The following EPHA6 variants were observed in gnomAD, a reference collection of about 807,000 sequenced individuals.
The protein encoded by EPHA6 is EPH receptor A6.
In EPHA6, 50 loss-of-function variants were observed where a neutral mutation model predicts 112.0. The observed-to-expected ratio is 0.45, with a 90% confidence interval of 0.36 to 0.56. The LOEUF (loss-of-function observed/expected upper bound fraction) is 0.56. Ranked by LOEUF, EPHA6 falls within the 20% of genes least tolerant of loss-of-function variation. The pLI, the probability that EPHA6 is intolerant of heterozygous loss-of-function variation, is 0.00. For synonymous variants in EPHA6, 529 were observed against 490.7 expected, an observed-to-expected ratio of 1.08 and a Z score of -1.03; for missense variants, 1,280 against 1,417.4, an observed-to-expected ratio of 0.90 and a Z score of 1.56.
intron 1 of EPHA6, among the ~76,000 whole-genome samples, chr3:96,833,432 T>C (rs2034209995): frequency 6.6e-6 from 1 of 151,838 alleles, no homozygotes; most frequent in Non-Finnish European, 1.5e-5. Context: ...CCTTTAGAAC[T>C]GTAAGACAAT....
At chr3:97,686,211 C>T (rs1316395439) in intron 14 of EPHA6, among the ~76,000 whole-genome samples, 1 of 152,144 alleles carries the variant, frequency 6.6e-6, no homozygotes, top group African/African-American at 2.4e-5. Context: ...CTCTCTAATA[C>T]TAACTGGAGT....
intron 3 of EPHA6, among the ~76,000 whole-genome samples, chr3:97,061,842 T>A (rs2046031588): frequency 6.6e-6 from 1 of 152,106 alleles, no homozygotes; most frequent in African/African-American, 2.4e-5. Context: ...ATGTCCTGGG[T>A]GCTGGAAATA....
intron 2 of EPHA6, among the ~76,000 whole-genome samples, chr3:96,934,629 G>A (rs567875815): frequency 1.3e-5 from 2 of 150,964 alleles, no homozygotes; most frequent in African/African-American, 4.8e-5. Flanking sequence ...TGGTGATTGG[G>A]TACAGGAATA....
chr3:97,300,468 A>T (rs1016524563), intron 5 of EPHA6, among the ~76,000 whole-genome samples: 34 of 152,210 alleles, frequency 2.2e-4, no homozygotes, highest in Non-Finnish European at 3.8e-4. Context: ...CCATACAGAT[A>T]ACTATTTTCA....
At chr3:97,064,257 T>C (rs2108133005) in intron 3 of EPHA6, among the ~76,000 whole-genome samples, 1 of 152,254 alleles carries the variant, frequency 6.6e-6, no homozygotes, top group South Asian at 2.1e-4. Context: ...TGTGACAATA[T>C]GAATATCAAG....
At chr3:97,215,610 C>CA (rs11340632) in intron 3 of EPHA6, among the ~76,000 whole-genome samples, 9,625 of 121,986 alleles carry the variant, frequency 0.079, 323 homozygotes, top group Middle Eastern at 0.19. Context: ...AACTTTGTCT[C>CA]AAAAAAAAAA....
At chr3:97,463,179 C>G (rs779316770) in intron 7 of EPHA6, among the ~76,000 whole-genome samples, 3 of 152,034 alleles carry the variant, frequency 2.0e-5, no homozygotes, top group Non-Finnish European at 4.4e-5. Flanking sequence ...TATACGTGTG[C>G]CATGTTGGTG....
chr3:96,900,240 A>G (rs757243357), intron 2 of EPHA6, among the ~76,000 whole-genome samples: 5 of 152,218 alleles, frequency 3.3e-5, no homozygotes, highest in Non-Finnish European at 7.4e-5. Context: ...TCTCTTAGTC[A>G]TGGTTAATGT....
intron 3 of EPHA6, among the ~76,000 whole-genome samples, chr3:97,142,130 C>T (rs892508202): frequency 6.6e-6 from 1 of 151,918 alleles, no homozygotes; most frequent in Non-Finnish European, 1.5e-5. Flanking sequence ...GCATTCCTTT[C>T]CGTGATGTTA....
intron 5 of EPHA6, among the ~76,000 whole-genome samples, chr3:97,310,696 C>T (rs548236873): frequency 9.9e-5 from 15 of 151,684 alleles, no homozygotes; most frequent in South Asian, 4.1e-4. Flanking sequence ...AAGTGCTGAT[C>T]CTCAGATGAA....
intron 10 of EPHA6, among the ~76,000 whole-genome samples, chr3:97,521,504 G>A (rs889775398): frequency 2.6e-5 from 4 of 152,124 alleles, no homozygotes; most frequent in African/African-American, 2.4e-5. Flanking sequence ...AGAGAATAAT[G>A]AGAACCAAGC....
chr3:96,825,542 A>C (rs2033594357), intron 1 of EPHA6, among the ~76,000 whole-genome samples: 1 of 151,860 alleles, frequency 6.6e-6, no homozygotes, highest in Non-Finnish European at 1.5e-5. Context: ...ACTGTATTAA[A>C]TATTTGTTTT....
rs1478039671 is a variant in EPHA6, at chr3:97,600,005, G to C, written c.2512+7268G>C. Among the ~76,000 whole-genome samples the C allele has an allele frequency of 7.5e-4, 114 of 151,880 alleles. 1 individual carries two copies. The highest frequency in any genetic ancestry group is 2.6e-3 in the African/African-American group (107 of 41,410). On this transcript the variant is annotated intron_variant, in intron 12 of 17. Coordinates refer to ENST00000389672, the MANE Select transcript of EPHA6 (RefSeq NM_001080448.3). ...CACATCCCTTTAAGTTGGATTCCTA[G>C]GTATTTTATTCTCTTTGAAGCAATT...
At chr3:97,686,935 G>GT (rs1469117471) in intron 14 of EPHA6, among the ~76,000 whole-genome samples, 4 of 152,102 alleles carry the variant, frequency 2.6e-5, no homozygotes, top group African/African-American at 7.2e-5. Context: ...CCCATATTTT[G>GT]TGGGGGGAAA....
chr3:97,077,648 G>C (rs2046575742), intron 3 of EPHA6, among the ~76,000 whole-genome samples: 1 of 151,830 alleles, frequency 6.6e-6, no homozygotes, highest in Non-Finnish European at 1.5e-5. Context: ...GCGCTGTCTG[G>C]TTTTCTGTCC....
intron 13 of EPHA6, among the ~76,000 whole-genome samples, chr3:97,623,691 G>A (rs1025616647): frequency 6.6e-6 from 1 of 151,604 alleles, no homozygotes; most frequent in Non-Finnish European, 1.5e-5. Flanking sequence ...TCCCATTCAT[G>A]AGGATTGAGT....
chr3:97,222,599 T>C (rs939178988), intron 3 of EPHA6, among the ~76,000 whole-genome samples: 5 of 152,236 alleles, frequency 3.3e-5, no homozygotes, highest in African/African-American at 1.2e-4. Context: ...ACTTTCAAGA[T>C]ATTTACTATC....
At chr3:97,512,061 G>A (rs1324526395) in intron 10 of EPHA6, among the ~76,000 whole-genome samples, 2 of 152,044 alleles carry the variant, frequency 1.3e-5, no homozygotes, top group African/African-American at 2.4e-5. Context: ...TAAGTATGAT[G>A]AATATCTTGT....
At chr3:96,978,652 G>C (rs577230001) in intron 2 of EPHA6, among the ~76,000 whole-genome samples, 1 of 151,840 alleles carries the variant, frequency 6.6e-6, no homozygotes, top group African/African-American at 2.4e-5. Flanking sequence ...TTTATTTTAA[G>C]TAGAAGAAGA....
Sources: gnomAD v4.1 joint callset for allele counts (sites outside exome capture counted in the v4.1 genomes callset) on GRCh38, gnomAD v4.1.1 for gene constraint, MANE v1.5 for transcripts, NCBI Gene and HGNC (gene_info 2026-07-23, HGNC 2026-07-21) for gene names.